RPS12: variants seen among roughly 807,000 people sequenced by gnomAD.
RPS12 encodes the protein ribosomal protein S12, also known as small ribosomal subunit protein eS12.
A neutral mutation model predicts 17.2 loss-of-function variants in RPS12; 1 was observed. The ratio of observed to expected loss-of-function variants is 0.06; its 90% CI spans 0.02 to 0.28. RPS12 has a LOEUF of 0.28. Ranked by LOEUF, RPS12 falls within the 10% of genes least tolerant of loss-of-function variation. RPS12 has a pLI of 1.00. For synonymous variants in RPS12, 67 were observed against 54.0 expected, an observed-to-expected ratio of 1.24 and a Z score of -1.06; for missense variants, 146 against 162.1, an observed-to-expected ratio of 0.90 and a Z score of 0.54.
intron 3 of RPS12, chr6:132,815,384 A>G (rs1419587829): frequency 5.1e-6 from 3 of 587,394 alleles, no homozygotes; most frequent in Middle Eastern, 5.6e-4. Context: ...ACAAACCTGT[A>G]GGTTGTGGAG....
At chr6:132,816,387 A>T in intron 3 of RPS12, 74 bp from the exon 4 acceptor site, 1 of 1,099,586 alleles carries the variant, frequency 9.1e-7, no homozygotes, top group Non-Finnish European at 1.4e-6. Flanking sequence ...TGCAAAGATA[A>T]CCCTCCTAAA....
chr6:132,816,513 G>C lies in RPS12; in HGVS notation c.184G>C (p.Val62Leu). 1.2e-6 allele frequency: 2 copies of C among 1,606,222 alleles called. No individual in the cohort carries two copies. Among genetic ancestry groups the C allele is most frequent in the Non-Finnish European group, 1.7e-6 (2 of 1,179,674 alleles). ...LASNCDEPMY[V>L]KLVEALCAEH... ...ATCCAACTGTGATGAGCCTATGTATGTCAAGTTGGTGGAGGCCCTTTGTGC... is the reference window on the plus strand; with the variant it reads ...ATCCAACTGTGATGAGCCTATGTATCTCAAGTTGGTGGAGGCCCTTTGTGC... The change falls in exon 4 of 6, where the codon GTC becomes CTC. Residue 62 changes from valine to leucine, a missense_variant. Transcript: ENST00000230050.
At chr6:132,816,355 G>C (rs1198598872) in intron 3 of RPS12, 106 bp from the exon 4 acceptor site, 1 of 782,414 alleles carries the variant, frequency 1.3e-6, no homozygotes, top group East Asian at 2.5e-5. Context: ...TGGATTGGCT[G>C]CTTATGTTTC....
At chr6:132,816,186 G>T (rs747928189) in intron 3 of RPS12, 3 of 522,650 alleles carry the variant, frequency 5.7e-6, no homozygotes, top group Non-Finnish European at 1.0e-5. Context: ...AGCTATTATG[G>T]TTGGGTTTTG....
chr6:132,817,083 G>C (rs747163165), intron 5 of RPS12, 22 bp downstream of exon 5: 105 of 1,387,854 alleles, frequency 7.6e-5, no homozygotes, highest in Non-Finnish European at 9.7e-5. Flanking sequence ...TTTATTCTAG[G>C]GATGAAGGTT....
rs1562279946 is a variant in RPS12, at chr6:132,815,041, C to T, written c.84C>T (p.His28=). The T allele has an allele frequency of 1.2e-6, 2 of 1,613,646 alleles. No individual in the cohort carries two copies. Among genetic ancestry groups the T allele is most frequent in the Non-Finnish European group, 1.7e-6 (2 of 1,179,620 alleles). The change falls in exon 3 of 6, where the codon CAC becomes CAT. Residue 28 remains histidine (H), a synonymous_variant. Coordinates refer to ENST00000230050, the MANE Select transcript of RPS12 (RefSeq NM_001016.4). ...LQEVLKTALI[H]DGLARGIREA... Reference sequence around the variant, plus strand: ...AGGTTCTGAAGACTGCCCTCATCCACGATGGCCTAGCACGTGGAATTCGCG... The same window carrying T: ...AGGTTCTGAAGACTGCCCTCATCCATGATGGCCTAGCACGTGGAATTCGCG...
Position 132,814,984 on chromosome 6 carries a change from A to T in RPS12, c.27A>T (p.Gly9=), listed in dbSNP as rs766563783. 2.9e-5 allele frequency: 47 copies of T among 1,607,702 alleles called. No individual in the cohort carries two copies. In the Admixed American group the frequency reaches 3.0e-4, roughly 10 times the overall value. Residue 9 remains glycine, a synonymous_variant, in exon 3 of 6, where the codon GGA becomes GGT. Transcript: ENST00000230050. ...TGTCGCGTTTAAGCATTGCTGCTGGAGGTGTAATGGACGTTAATACTGCTT... is the reference window on the plus strand; with the variant it reads ...TGTCGCGTTTAAGCATTGCTGCTGGTGGTGTAATGGACGTTAATACTGCTT... MAEEGIAA[G]GVMDVNTALQ...
chr6:132,815,863 CAA>C (rs748515779), intron 3 of RPS12: 35 of 423,438 alleles, frequency 8.3e-5, no homozygotes, highest in East Asian at 2.9e-4. Context: ...TTTTTTGAGA[CAA>C]AGAGTCTTGC....
At chr6:132,817,218 C>T (rs372868507) in intron 5 of RPS12, 157 bp downstream of exon 5, 224 of 771,062 alleles carry the variant, frequency 2.9e-4, no homozygotes, top group Non-Finnish European at 2.0e-4. Flanking sequence ...CTGTAATTTA[C>T]AAGCCAGCCA....
intron 3 of RPS12, chr6:132,815,805 A>G (rs1782041072): frequency 2.2e-6 from 1 of 454,288 alleles, no homozygotes; most frequent in South Asian, 1.6e-5. Flanking sequence ...GGCATTTCAT[A>G]ACTGTTCCAT....
chr6:132,817,196 A>G, intron 5 of RPS12, 135 bp downstream of exon 5: 1 of 783,346 alleles, frequency 1.3e-6, no homozygotes, highest in Non-Finnish European at 2.3e-6. Flanking sequence ...CATTTCAGGA[A>G]AAAAATAAAA....
chr6:132,815,106 A>G lies in RPS12; in HGVS notation c.131+18A>G, dbSNP rs771599896. 8.7e-6 allele frequency: 13 copies of G among 1,491,834 alleles called. No individual in the cohort carries two copies. The highest frequency in any genetic ancestry group is 1.1e-5 in the South Asian group (1 of 88,638). 92.4% of individuals were successfully genotyped at this position (1,491,834 alleles called of 1,614,324 possible). A position where few individuals can be genotyped will look rare whatever the true frequency, so the allele number is the denominator to read the frequency against. On this transcript the variant is annotated intron_variant, in intron 3 of 5. Coordinates refer to ENST00000230050, the MANE Select transcript of RPS12 (RefSeq NM_001016.4). ...TTAGACAAGTACGTGTATCAGTCTC[A>G]ATACTGTGGGTTCTTGCAACCGGAA...
chr6:132,814,864 C>G (rs1385183623), intron 2 of RPS12, 82 bp downstream of exon 2: 3 of 1,459,090 alleles, frequency 2.1e-6, no homozygotes, highest in Non-Finnish European at 2.9e-6. Flanking sequence ...AGGACTGGGT[C>G]AAACGGGTCG....
chr6:132,815,066 G>A lies in RPS12; in HGVS notation c.109G>A (p.Glu37Lys). ...IHDGLARGIR[E>K]AAKALDKRQA... ...CGATGGCCTAGCACGTGGAATTCGC[G>A]AAGCTGCCAAAGCCTTAGACAAGTA... The change falls in exon 3 of 6, where the codon GAA becomes AAA. Residue 37 changes from glutamate to lysine, a missense_variant. Glu to Lys is a moderately conservative substitution (Grantham distance 56). This residue lies in a region of RPS12 where 117 missense variants were observed against 104.6 expected (regional missense o/e 1.12). Coordinates refer to ENST00000230050, the MANE Select transcript of RPS12 (RefSeq NM_001016.4). The A allele has an allele frequency of 6.2e-7, 1 of 1,612,446 alleles. No homozygotes were observed. The highest frequency in any genetic ancestry group is 8.5e-7 in the Non-Finnish European group (1 of 1,178,494).
chr6:132,814,962 C>T lies in RPS12; in HGVS notation c.15-10C>T, dbSNP rs1782011184. 1.3e-6 allele frequency: 2 copies of T among 1,567,750 alleles called. No individual in the cohort carries two copies. The highest frequency in any genetic ancestry group is 1.1e-5 in the South Asian group (1 of 90,146). ...ATTTTAACTGATGGTTCTGATGTGT[C>T]GCGTTTAAGCATTGCTGCTGGAGGT... On this transcript the variant is annotated splice_polypyrimidine_tract_variant and intron_variant, in intron 2 of 5. Coordinates refer to ENST00000230050, the MANE Select transcript of RPS12 (RefSeq NM_001016.4).
intron 3 of RPS12, chr6:132,816,108 ACAGGAGTGAGC>A (rs1782053778): frequency 2.7e-6 from 1 of 376,294 alleles, no homozygotes; most frequent in Admixed American, 3.8e-5. Flanking sequence ...TGCTGGGATT[ACAGGAGTGAGC>A]CATCGTGCCC....
At chr6:132,815,638 CTT>C (rs990703236) in intron 3 of RPS12, 15 of 456,548 alleles carry the variant, frequency 3.3e-5, no homozygotes, top group South Asian at 1.5e-5. Context: ...TCAACCTACT[CTT>C]GAGCTGAATT....
At chr6:132,814,944 C>T (rs536953841) in intron 2 of RPS12, 28 bp from the exon 3 acceptor site, 8 of 1,500,818 alleles carry the variant, frequency 5.3e-6, no homozygotes, top group Non-Finnish European at 2.8e-6. Context: ...AGGATTTTAA[C>T]TGATGGTTCT....
At chr6:132,816,094 A>G in intron 3 of RPS12, 2 of 375,054 alleles carry the variant, frequency 5.3e-6, no homozygotes, top group South Asian at 4.1e-5. Context: ...TCGTCTTCCC[A>G]AAGTGCTGGG....
Sources: allele counts gnomAD v4.1 joint callset, GRCh38; gene constraint gnomAD v4.1.1; regional missense constraint gnomAD v4.1.1; transcripts MANE v1.5; gene names NCBI Gene and HGNC (gene_info 2026-07-23, HGNC 2026-07-21).